The following CCDC141 variants were observed in gnomAD, a reference collection of about 807,000 sequenced individuals.
The protein encoded by CCDC141 is coiled-coil domain containing 141.
A neutral mutation model predicts 181.0 loss-of-function variants in CCDC141; 168 were observed. The ratio of observed to expected loss-of-function variants is 0.93; its 90% confidence interval spans 0.82 to 1.05. The LOEUF (loss-of-function observed/expected upper bound fraction) is 1.05. CCDC141 is among the 50% of genes least tolerant of loss of function. The pLI is 0.00. For missense variants in CCDC141, 1,902 were observed against 1,788.5 expected, an observed-to-expected ratio of 1.06 and a Z score of -1.14; for synonymous variants, 666 against 642.3, an observed-to-expected ratio of 1.04 and a Z score of -0.56.
At chr2:179,010,313 T>G (rs1480847231) in intron 2 of CCDC141, among the ~76,000 whole-genome samples, 1 of 152,080 alleles carries the variant, frequency 6.6e-6, no homozygotes, top group African/African-American at 2.4e-5. Context: ...TCCAGGAAAT[T>G]CATTGCAAAA....
intron 1 of CCDC141, among the ~76,000 whole-genome samples, chr2:179,048,495 A>T (rs1394332234): frequency 6.6e-6 from 1 of 152,174 alleles, no homozygotes; most frequent in Admixed American, 6.6e-5. Flanking sequence ...TTCTTCTGTA[A>T]TTTATCCTCT....
intron 4 of CCDC141, among the ~76,000 whole-genome samples, chr2:178,973,639 A>G (rs1417902953): frequency 2.0e-5 from 3 of 152,230 alleles, no homozygotes; most frequent in Non-Finnish European, 4.4e-5. Flanking sequence ...TCCCCCTGCC[A>G]GCTCCATTCC....
intron 2 of CCDC141, among the ~76,000 whole-genome samples, chr2:179,028,833 A>G (rs960871563): frequency 1.3e-5 from 2 of 152,142 alleles, no homozygotes; most frequent in Non-Finnish European, 2.9e-5. Context: ...ATAGTCTCCA[A>G]ATACTTATTT....
Position 178,888,631 on chromosome 2 carries a change from T to A in CCDC141, c.1303A>T (p.Ile435Phe), listed in dbSNP as rs753663966. The A allele has an allele frequency of 6.4e-7, 1 of 1,550,778 alleles. No homozygotes were observed. Residue 435 changes from isoleucine to phenylalanine, a missense_variant, in exon 9 of 24, where the codon ATT (isoleucine) becomes TTT (phenylalanine). Ile to Phe is a conservative substitution (Grantham distance 21, BLOSUM62 0). Coordinates refer to ENST00000443758, the MANE Select transcript of CCDC141 (RefSeq NM_173648.4). ...VSGIHEMMGC[I>F]KRRVDHLTEQ... ...GTCAGATGATCCACTCGTCTCTTAA[T>A]GCACCCCATCATCTCATGGATGCCG...
chr2:179,038,411 T>G (rs960354512), intron 2 of CCDC141, among the ~76,000 whole-genome samples: 1 of 152,156 alleles, frequency 6.6e-6, no homozygotes, highest in East Asian at 1.9e-4. Context: ...TTTGGGGTGA[T>G]GAGAAAGTTT....
intron 3 of CCDC141, 106 bp downstream of exon 3, chr2:178,978,377 AT>A (rs983911093): frequency 1.1e-5 from 8 of 729,126 alleles, no homozygotes; most frequent in South Asian, 5.4e-5. Context: ...TTATTCTGCC[AT>A]TTTTTTAACT....
At chr2:178,991,306 T>C (rs1692044001) in intron 2 of CCDC141, among the ~76,000 whole-genome samples, 1 of 152,222 alleles carries the variant, frequency 6.6e-6, no homozygotes, top group Non-Finnish European at 1.5e-5. Context: ...TAAAACATTT[T>C]AATTTCAGAA....
At chr2:178,871,280 G>A (rs931137912) in intron 14 of CCDC141, 147 bp downstream of exon 14, 9 of 888,528 alleles carry the variant, frequency 1.0e-5, no homozygotes, top group East Asian at 2.5e-5. Flanking sequence ...TAAGAAAAAT[G>A]TCTCTACAGT....
chr2:178,948,258 C>T (rs905695213), intron 5 of CCDC141, among the ~76,000 whole-genome samples: 4 of 151,304 alleles, frequency 2.6e-5, no homozygotes, highest in South Asian at 2.1e-4. Context: ...TTAGATATGT[C>T]GGGTTAATTT....
At chr2:179,029,457 A>G (rs995674627) in intron 2 of CCDC141, among the ~76,000 whole-genome samples, 3 of 152,226 alleles carry the variant, frequency 2.0e-5, no homozygotes, top group Non-Finnish European at 2.9e-5. Flanking sequence ...TGCATCTAAT[A>G]CAATGACTGG....
intron 5 of CCDC141, among the ~76,000 whole-genome samples, chr2:178,948,053 A>G (rs947601999): frequency 3.9e-5 from 6 of 152,126 alleles, no homozygotes; most frequent in South Asian, 4.1e-4. Context: ...ACAAAAAATT[A>G]GCGGGGTGTG....
chr2:179,031,580 A>C (rs957369236), intron 2 of CCDC141, among the ~76,000 whole-genome samples: 43 of 151,884 alleles, frequency 2.8e-4, no homozygotes, highest in African/African-American at 9.7e-4. Flanking sequence ...AGCTTAGATC[A>C]TCAATTTGAG....
chr2:178,885,155 T>C, intron 10 of CCDC141, 63 bp from the exon 11 acceptor site: 4 of 1,150,280 alleles, frequency 3.5e-6, no homozygotes, highest in Non-Finnish European at 4.9e-6. Flanking sequence ...TCACGTTTCA[T>C]TATCTTCTGC....
chr2:178,837,204 G>A lies in CCDC141; in HGVS notation c.4015C>T (p.Gln1339Ter). 1 of 1,613,880 alleles carries A rather than the reference G, an allele frequency of 6.2e-7. No individual in the cohort carries two copies. Among genetic ancestry groups the A allele is most frequent in the Non-Finnish European group, 8.5e-7 (1 of 1,179,946 alleles). Reference sequence around the variant, plus strand: ...TCCCGTGTTTCTAGCAAACCACCCTGAGCCTGAGGGTGCTGCTGTAAAGCT... The same window carrying A: ...TCCCGTGTTTCTAGCAAACCACCCTAAGCCTGAGGGTGCTGCTGTAAAGCT... ...ERALQQHPQA[Q>*]GGLLETREKM... The change falls in exon 23 of 24, where the codon CAG (glutamine) becomes TAG (stop). Residue 1339 changes from glutamine to a stop codon, truncating the protein, a stop_gained. Transcript: ENST00000443758. LOFTEE classifies it high-confidence loss of function.
intron 2 of CCDC141, among the ~76,000 whole-genome samples, chr2:178,983,895 G>T (rs1412177561): frequency 2.0e-5 from 3 of 150,436 alleles, no homozygotes; most frequent in African/African-American, 2.5e-5. Context: ...CACTCTGCAG[G>T]ATATTATCCA....
At chr2:179,031,552 C>T (rs2154386920) in intron 2 of CCDC141, among the ~76,000 whole-genome samples, 1 of 151,914 alleles carries the variant, frequency 6.6e-6, no homozygotes, top group South Asian at 2.1e-4. Flanking sequence ...TCTTATTTTT[C>T]TAGTTCCTTA....
intron 2 of CCDC141, among the ~76,000 whole-genome samples, chr2:179,044,514 T>C (rs2043421398): frequency 6.6e-6 from 1 of 152,146 alleles, no homozygotes; most frequent in Non-Finnish European, 1.5e-5. Flanking sequence ...AGAAGGCATT[T>C]CCCTTCTGTA....
chr2:178,889,238 T>G (rs1050429498), intron 8 of CCDC141, among the ~76,000 whole-genome samples: 25 of 152,120 alleles, frequency 1.6e-4, no homozygotes, highest in South Asian at 1.5e-3. Flanking sequence ...TGCCTCACAT[T>G]ATCATTTTTT....
chr2:178,987,556 C>T (rs1411847898), intron 2 of CCDC141, among the ~76,000 whole-genome samples: 21 of 151,532 alleles, frequency 1.4e-4, no homozygotes, highest in South Asian at 4.2e-4. Flanking sequence ...AGAAAATTTT[C>T]GCAACCTACT....
Sources: gnomAD v4.1 joint callset for allele counts (sites outside exome capture counted in the v4.1 genomes callset) on GRCh38, gnomAD v4.1.1 for gene constraint, MANE v1.5 for transcripts, NCBI Gene and HGNC (gene_info 2026-07-23, HGNC 2026-07-21) for gene names.